The following LARP4B variants were observed in gnomAD, a reference collection of about 807,000 sequenced individuals.
The protein encoded by LARP4B is la-related protein 4B.
Under a neutral mutation model 89.8 loss-of-function variants are expected in LARP4B, and 12 were observed. That is an observed-to-expected ratio of 0.13 (90% CI 0.09 to 0.22). The LOEUF is 0.22. Among genes scored for constraint, LARP4B ranks in the 10% least tolerant of loss-of-function variants. The pLI, the probability that LARP4B is intolerant of heterozygous loss-of-function variation, is 1.00. For missense variants in LARP4B, 757 were observed against 947.7 expected (o/e 0.80, Z 2.64); for synonymous variants, 367 against 363.3 (o/e 1.01, Z -0.12).
At chr10:875,794 C>A (rs1325151809) in intron 3 of LARP4B, among the ~76,000 whole-genome samples, 1 of 152,160 alleles carries the variant, frequency 6.6e-6, no homozygotes, top group Non-Finnish European at 1.5e-5. Context: ...TGCTGCTGCA[C>A]GGCGGACTGA....
intron 3 of LARP4B, among the ~76,000 whole-genome samples, chr10:879,695 G>A (rs1835594583): frequency 6.6e-6 from 1 of 152,092 alleles, no homozygotes; most frequent in Non-Finnish European, 1.5e-5. Flanking sequence ...GTCTTGAACT[G>A]GGCTCAAGAA....
chr10:913,825 C>G (rs1310651992), intron 1 of LARP4B, among the ~76,000 whole-genome samples: 1 of 152,168 alleles, frequency 6.6e-6, no homozygotes, highest in African/African-American at 2.4e-5. Flanking sequence ...GGGAGTATCA[C>G]TTAAACCCAG....
the LARP4B span, among the ~76,000 whole-genome samples, chr10:954,013 G>C: frequency 1.3e-5 from 2 of 152,248 alleles, no homozygotes; most frequent in Non-Finnish European, 2.9e-5. This position sits in a 1 kb window ranked among gnomAD's most constrained non-coding sequence, Gnocchi z 5.0. Context: ...GCCAGGCAGA[G>C]CCACATGGGT....
intron 8 of LARP4B, among the ~76,000 whole-genome samples, chr10:831,694 T>C (rs1270734794): frequency 6.6e-6 from 1 of 152,214 alleles, no homozygotes; most frequent in Non-Finnish European, 1.5e-5. Flanking sequence ...GGGCACTGCT[T>C]CCGCAGTGGG....
At chr10:845,825 T>C (rs1833751626) in intron 5 of LARP4B, among the ~76,000 whole-genome samples, 1 of 152,236 alleles carries the variant, frequency 6.6e-6, no homozygotes. Flanking sequence ...AAGTTTTTCC[T>C]GCCTTCCTAT....
In LARP4B at chr10:871,711, G is replaced by A. The variant is rs376549352; in HGVS notation, c.142-7441C>T. On this transcript the variant is annotated intron_variant, in intron 3 of 17. Coordinates refer to ENST00000316157, the MANE Select transcript of LARP4B (RefSeq NM_015155.3). Reference sequence around the variant, plus strand: ...TTGGGGCTGCTTCTCTTGAATTAGCGTGACCTGAGAGACACCCACTTCCAA... The same window carrying A: ...TTGGGGCTGCTTCTCTTGAATTAGCATGACCTGAGAGACACCCACTTCCAA... Among the ~76,000 whole-genome samples, 6 of 152,154 alleles carry A rather than the reference G, an allele frequency of 3.9e-5. No individual in the cohort carries two copies. In the South Asian group the frequency reaches 1.2e-3, roughly 32 times the overall value.
chr10:969,149 T>C, the LARP4B span, among the ~76,000 whole-genome samples: 1 of 152,150 alleles, frequency 6.6e-6, no homozygotes, highest in Admixed American at 6.5e-5. Context: ...TTGGATAGGA[T>C]TTCAGGCAAA....
intron 3 of LARP4B, chr10:873,081 G>C (rs889880438): frequency 1.0e-6 from 1 of 985,156 alleles, no homozygotes; most frequent in Non-Finnish European, 1.2e-6. Context: ...ACAGATTTTT[G>C]TAACAGGCCA....
chr10:855,171 C>T (rs972517631), intron 5 of LARP4B, among the ~76,000 whole-genome samples: 1 of 152,154 alleles, frequency 6.6e-6, no homozygotes, highest in Admixed American at 6.6e-5. Flanking sequence ...CAAAGTTTCT[C>T]CATCTCAGCA....
the LARP4B span, among the ~76,000 whole-genome samples, chr10:983,163 T>A: frequency 6.6e-6 from 1 of 152,246 alleles, no homozygotes; most frequent in Non-Finnish European, 1.5e-5. Flanking sequence ...TTAAAGAGCA[T>A]CTTCTTTAGA....
chr10:869,655 G>C (rs1273122009), intron 3 of LARP4B, among the ~76,000 whole-genome samples: 1 of 152,142 alleles, frequency 6.6e-6, no homozygotes, highest in African/African-American at 2.4e-5. Context: ...GGGAGGCTGA[G>C]GCGGGTGGAT....
In LARP4B at chr10:862,256, T is replaced by TAAAAAAAAAA. The variant is rs10661482; in HGVS notation, c.430+1477_430+1486dup. 3.3e-4 allele frequency among the ~76,000 whole-genome samples: 28 copies of TAAAAAAAAAA among 84,412 alleles called. 1 individual carries two copies. Among genetic ancestry groups the TAAAAAAAAAA allele is most frequent in the African/African-American group, 1.3e-3 (25 of 19,336 alleles). The allele number at this position is 84,412 out of a possible 152,430, so 55.4% of individuals were successfully genotyped here. A position where few individuals can be genotyped will look rare whatever the true frequency, so the allele number is the denominator to read the frequency against. The stretch of plus-strand genomic sequence containing the variant: ...TTAAAGCAATAAGCTCCACTGAAGT[T>TAAAAAAAAAA]AAAAAAAAAAAAAAAAAAAAAAAAA... On this transcript the variant is annotated intron_variant, in intron 5 of 17. Coordinates refer to ENST00000316157, the MANE Select transcript of LARP4B (RefSeq NM_015155.3).
chr10:978,960 C>G, the LARP4B span, among the ~76,000 whole-genome samples: 2 of 151,470 alleles, frequency 1.3e-5, no homozygotes, highest in East Asian at 3.9e-4. Flanking sequence ...TGAAGATATT[C>G]CACTGTCTCC....
At chr10:928,293 AAC>A (rs1373674804) in intron 1 of LARP4B, among the ~76,000 whole-genome samples, 2 of 152,214 alleles carry the variant, frequency 1.3e-5, no homozygotes, top group African/African-American at 4.8e-5. Context: ...GATTGATGGT[AAC>A]ACATCTATAC....
intron 1 of LARP4B, among the ~76,000 whole-genome samples, chr10:911,571 C>T (rs956977762): frequency 6.6e-5 from 10 of 152,088 alleles, no homozygotes; most frequent in African/African-American, 2.4e-4. Context: ...TGTTTCCTTC[C>T]ACACTTCTAC....
chr10:809,133 C>T (rs983482367), downstream of LARP4B: 5 of 152,244 alleles, frequency 3.3e-5, no homozygotes, highest in Non-Finnish European at 5.9e-5. Flanking sequence ...CTCCCGCCAG[C>T]CTCTTCCTAG....
Position 913,193 on chromosome 10 carries a change from G to T in LARP4B, c.-40+18235C>A, listed in dbSNP as rs189676244. Among the ~76,000 whole-genome samples the T allele has an allele frequency of 1.2e-4, 19 of 152,288 alleles. No individual in the cohort carries two copies. The East Asian group carries it at 3.3e-3, about 26-fold the overall frequency. On this transcript the variant is annotated intron_variant, in intron 1 of 17. Transcript: ENST00000316157. ...TTGTCTAGCAATCTGAATTGTTTAGGGGAGTGGAACAGATAATTAAGAGAC... is the reference window on the plus strand; with the variant it reads ...TTGTCTAGCAATCTGAATTGTTTAGTGGAGTGGAACAGATAATTAAGAGAC...
At chr10:857,635 GC>G (rs1348391640) in intron 5 of LARP4B, among the ~76,000 whole-genome samples, 9 of 152,150 alleles carry the variant, frequency 5.9e-5, no homozygotes, top group African/African-American at 2.2e-4. Flanking sequence ...TACGTCAAGC[GC>G]TCGGGAGTTT....
At chr10:887,931 A>G (rs531445536) in intron 1 of LARP4B, among the ~76,000 whole-genome samples, 4 of 152,026 alleles carry the variant, frequency 2.6e-5, no homozygotes, top group African/African-American at 9.6e-5. Flanking sequence ...AGGCTGAGAC[A>G]CTAGAATCGC....
Sources: gnomAD v4.1 joint callset for allele counts (sites outside exome capture counted in the v4.1 genomes callset) on GRCh38, gnomAD v4.1.1 for gene constraint, Gnocchi (gnomAD v3.1) non-coding constraint, MANE v1.5 for transcripts, NCBI Gene and HGNC (gene_info 2026-07-23, HGNC 2026-07-21) for gene names.